Variants in JPH1 observed in about 807,000 individuals in gnomAD.
The protein encoded by JPH1 is junctophilin 1.
In JPH1, 12 loss-of-function variants were observed where a neutral mutation model predicts 53.6. That is an observed-to-expected ratio of 0.22 (90% CI 0.14 to 0.36). JPH1 has a LOEUF of 0.36. JPH1 is among the 10% of genes least tolerant of loss of function. The pLI, the probability that JPH1 is intolerant of heterozygous loss-of-function variation, is 1.00. For synonymous variants in JPH1, 375 were observed against 363.8 expected, an observed-to-expected ratio of 1.03 and a Z score of -0.35; for missense variants, 808 against 905.5, an observed-to-expected ratio of 0.89 and a Z score of 1.38.
intron 2 of JPH1, among the ~76,000 whole-genome samples, chr8:74,262,742 A>G (rs1806427483): frequency 6.6e-6 from 1 of 152,232 alleles, no homozygotes; most frequent in Non-Finnish European, 1.5e-5. Context: ...GTTGCACCTT[A>G]TGGGTGAAGA....
chr8:74,286,972 C>A (rs1378536095), intron 2 of JPH1, among the ~76,000 whole-genome samples: 1 of 152,172 alleles, frequency 6.6e-6, no homozygotes, highest in Non-Finnish European at 1.5e-5. Flanking sequence ...TGAAGACTCA[C>A]ACAACACCTG....
At chr8:74,305,306 C>A (rs1807800339) in intron 2 of JPH1, among the ~76,000 whole-genome samples, 1 of 152,208 alleles carries the variant, frequency 6.6e-6, no homozygotes, top group Admixed American at 6.5e-5. Flanking sequence ...GAGAAGCCTA[C>A]CAGCTATGGC....
intron 2 of JPH1, among the ~76,000 whole-genome samples, chr8:74,261,656 C>T (rs997545311): frequency 6.6e-6 from 1 of 152,108 alleles, no homozygotes. Context: ...TCAACAGATG[C>T]CCTCCGCTAA....
chr8:74,291,762 ACT>A (rs1170223835), intron 2 of JPH1, among the ~76,000 whole-genome samples: 2 of 152,236 alleles, frequency 1.3e-5, no homozygotes, highest in African/African-American at 4.8e-5. Flanking sequence ...AATAGCAAAG[ACT>A]TGGAACCAAC....
rs1018283992 is a variant in JPH1, at chr8:74,321,363, G to C, written c.-76C>G. 3.5e-5 allele frequency: 48 copies of C among 1,362,742 alleles called. No homozygotes were observed. In the African/African-American group the frequency reaches 6.5e-4, roughly 19 times the overall value. The allele number at this position is 1,362,742 out of a possible 1,614,324, so 84.4% of individuals were successfully genotyped here. A position where few individuals can be genotyped will look rare whatever the true frequency, so the allele number is the denominator to read the frequency against. On this transcript the variant is annotated 5_prime_UTR_variant, in exon 1 of 6. Coordinates refer to ENST00000342232, the MANE Select transcript of JPH1 (RefSeq NM_020647.4). The surrounding 1 kb of genome is among the most constrained non-coding windows in gnomAD (Gnocchi z 4.3). ...GCTGGGCACGGCAGGGTGTAGCTCG[G>C]GGGTGGGGGCCCGGCGGGCGAGCTC...
intron 2 of JPH1, among the ~76,000 whole-genome samples, chr8:74,287,904 GA>G (rs1313755620): frequency 6.6e-6 from 1 of 151,600 alleles, no homozygotes; most frequent in East Asian, 1.9e-4. Context: ...ACAAACTAAA[GA>G]GAAAACATCT....
At chr8:74,285,306 T>G (rs1807130743) in intron 2 of JPH1, among the ~76,000 whole-genome samples, 2 of 152,096 alleles carry the variant, frequency 1.3e-5, no homozygotes, top group South Asian at 4.1e-4. Context: ...ACTTTATGAA[T>G]TTTTCCATAT....
Position 74,236,844 on chromosome 8 carries a change from C to A in JPH1, c.*207G>T, listed in dbSNP as rs955165645. On this transcript the variant is annotated 3_prime_UTR_variant, in exon 6 of 6. Transcript: ENST00000342232. ...TTCAGCTCCCAGAGGACCCCAAAGCCACAAAGCACTCCCAGGGGAACCGAA... is the reference window on the plus strand; with the variant it reads ...TTCAGCTCCCAGAGGACCCCAAAGCAACAAAGCACTCCCAGGGGAACCGAA... 9 of 166,244 alleles carry A rather than the reference C, an allele frequency of 5.4e-5. No homozygotes were observed. The highest frequency in any genetic ancestry group is 7.8e-5 in the Non-Finnish European group (6 of 77,340). The allele number at this position is 166,244 out of a possible 1,614,324, so 10.3% of individuals were successfully genotyped here.
At chr8:74,286,659 T>C (rs992327015) in intron 2 of JPH1, among the ~76,000 whole-genome samples, 8 of 152,262 alleles carry the variant, frequency 5.3e-5, no homozygotes, top group Non-Finnish European at 1.0e-4. Flanking sequence ...TCTGTAACTC[T>C]ATAAAACATA....
intron 3 of JPH1, among the ~76,000 whole-genome samples, chr8:74,255,239 T>C (rs1490068788): frequency 5.9e-5 from 9 of 152,110 alleles, no homozygotes; most frequent in Admixed American, 1.3e-4. Context: ...GAAATAATGC[T>C]GCATATCTAC....
chr8:74,240,900 T>C (rs1190455679), intron 4 of JPH1, among the ~76,000 whole-genome samples: 4 of 152,192 alleles, frequency 2.6e-5, no homozygotes, highest in East Asian at 3.8e-4. Flanking sequence ...CCCTTTGAAT[T>C]AGTGAGTATT....
chr8:74,267,890 G>T (rs1387017632), intron 2 of JPH1, among the ~76,000 whole-genome samples: 4 of 152,186 alleles, frequency 2.6e-5, no homozygotes, highest in Non-Finnish European at 4.4e-5. Context: ...ATGAGCGAAA[G>T]AAAGGAAACA....
rs547109159 is a variant in JPH1 at position 74,315,443 on chromosome 8, G to C, written c.557C>G (p.Pro186Arg). The C allele has an allele frequency of 1.2e-6, 2 of 1,610,386 alleles. No individual in the cohort carries two copies. The highest frequency in any genetic ancestry group is 1.1e-5 in the South Asian group (1 of 90,996). Residue 186 changes from proline (P) to arginine (R), a missense_variant, in exon 2 of 6, where the codon CCG (proline) becomes CGG (arginine). Pro to Arg is a moderately radical substitution (Grantham distance 103, BLOSUM62 -2). Around this residue, in one of 2 missense-constraint regions of JPH1, gnomAD observed 756 missense variants for 811.9 expected, o/e 0.93. Coordinates refer to ENST00000342232, the MANE Select transcript of JPH1 (RefSeq NM_020647.4). The surrounding 1 kb of genome is among the most constrained non-coding windows in gnomAD (Gnocchi z 6.3). Reference sequence around the variant, plus strand: ...CACGAAACCGCCGCGGGTGCCGGCCGGGCTGTCGGCGGCGGCTGCGGCGTC... The same window carrying C: ...CACGAAACCGCCGCGGGTGCCGGCCCGGCTGTCGGCGGCGGCTGCGGCGTC... ...LHDAAAAADS[P>R]AGTRGGFVLN...
intron 2 of JPH1, among the ~76,000 whole-genome samples, chr8:74,270,830 C>T (rs1460149578): frequency 6.6e-6 from 1 of 152,034 alleles, no homozygotes; most frequent in Non-Finnish European, 1.5e-5. Flanking sequence ...CTGCTGTCTG[C>T]CTGGGTATCT....
chr8:74,307,825 C>T (rs16938864), intron 2 of JPH1, among the ~76,000 whole-genome samples: 9,506 of 152,234 alleles, frequency 0.062, 1,008 homozygotes, highest in African/African-American at 0.22. Flanking sequence ...AAAAGATCCC[C>T]TTGTTGAGAA....
intron 2 of JPH1, among the ~76,000 whole-genome samples, chr8:74,263,243 T>C (rs1485376234): frequency 2.0e-5 from 3 of 152,170 alleles, no homozygotes; most frequent in African/African-American, 7.2e-5. Context: ...TGAAGCGCTA[T>C]TTCTACTTTT....
At chr8:74,310,505 C>T (rs1000841855) in intron 2 of JPH1, among the ~76,000 whole-genome samples, 5 of 152,138 alleles carry the variant, frequency 3.3e-5, no homozygotes, top group Admixed American at 6.5e-5. Flanking sequence ...AATCTATTAA[C>T]TCTATATCTA....
Position 74,237,032 on chromosome 8 carries a change from T to C in JPH1, c.*19A>G, listed in dbSNP as rs778974812. The C allele has an allele frequency of 7.2e-6, 4 of 558,972 alleles. No homozygotes were observed. Among genetic ancestry groups the C allele is most frequent in the Non-Finnish European group, 1.3e-5 (4 of 312,100 alleles). The allele number at this position is 558,972 out of a possible 1,614,324, so 34.6% of individuals were successfully genotyped here. ...CTAACACACCACTAGTTGTCAGGAC[T>C]TCACTGAAGGGTCAAAACAGTTATA... On this transcript the variant is annotated 3_prime_UTR_variant, in exon 6 of 6. Coordinates refer to ENST00000342232, the MANE Select transcript of JPH1 (RefSeq NM_020647.4).
chr8:74,239,628 C>T (rs1805636938), intron 4 of JPH1, among the ~76,000 whole-genome samples: 1 of 152,092 alleles, frequency 6.6e-6, no homozygotes. Flanking sequence ...CACAACTGAG[C>T]ACAGAGATTA....
Sources: allele counts gnomAD v4.1 joint callset (sites outside exome capture counted in the v4.1 genomes callset), GRCh38; gene constraint gnomAD v4.1.1; regional missense constraint gnomAD v4.1.1; non-coding constraint Gnocchi (gnomAD v3.1); transcripts MANE v1.5; gene names NCBI Gene and HGNC (gene_info 2026-07-23, HGNC 2026-07-21).